Variants in VTI1A observed in about 807,000 individuals in gnomAD.
VTI1A encodes the protein vesicle transport through interaction with t-SNAREs 1A.
Under a neutral mutation model 34.9 loss-of-function variants are expected in VTI1A, and 22 were observed. The ratio of observed to expected loss-of-function variants is 0.63; its 90% CI spans 0.45 to 0.90. The LOEUF (loss-of-function observed/expected upper bound fraction) is 0.90, where lower values mean the gene tolerates loss of function less well. Ranked by LOEUF, VTI1A falls within the 40% of genes least tolerant of loss-of-function variation. The pLI is 0.00. For missense variants in VTI1A, 268 were observed against 275.6 expected (o/e 0.97, Z 0.20); for synonymous variants, 87 against 97.3 (o/e 0.89, Z 0.62).
intron 5 of VTI1A, among the ~76,000 whole-genome samples, chr10:112,642,976 TC>T (rs1846631361): frequency 1.1e-5 from 1 of 91,788 alleles, no homozygotes; most frequent in African/African-American, 3.5e-5. Context: ...TTTTTTCTTT[TC>T]TTTTTTTTTT....
At chr10:112,512,381 C>A (rs1849642502) in intron 3 of VTI1A, among the ~76,000 whole-genome samples, 2 of 152,076 alleles carry the variant, frequency 1.3e-5, no homozygotes, top group African/African-American at 4.8e-5. Flanking sequence ...ATACTTTGCC[C>A]ACTTTCAAAT....
At chr10:112,807,426 C>T (rs1238469052) in intron 7 of VTI1A, among the ~76,000 whole-genome samples, 2 of 152,198 alleles carry the variant, frequency 1.3e-5, no homozygotes, top group African/African-American at 2.4e-5. Context: ...TCTGGTGGCC[C>T]AACATTCCTT....
chr10:112,503,257 A>C (rs895176195), intron 3 of VTI1A, among the ~76,000 whole-genome samples: 1 of 151,948 alleles, frequency 6.6e-6, no homozygotes, highest in African/African-American at 2.4e-5. Flanking sequence ...ACCCCTCTTC[A>C]TCCTCCTCTC....
At chr10:112,639,504 A>G (rs929559203) in intron 5 of VTI1A, among the ~76,000 whole-genome samples, 12 of 152,170 alleles carry the variant, frequency 7.9e-5, no homozygotes, top group Non-Finnish European at 1.5e-4. Context: ...CAGACCTAGA[A>G]GCTTCATGAC....
intron 7 of VTI1A, among the ~76,000 whole-genome samples, chr10:112,681,673 T>C (rs939004903): frequency 5.3e-5 from 8 of 152,170 alleles, no homozygotes; most frequent in African/African-American, 1.9e-4. Flanking sequence ...TAGAATAATA[T>C]TGCAAATTTT....
chr10:112,498,542 A>G (rs139108727), intron 3 of VTI1A, among the ~76,000 whole-genome samples: 231 of 152,304 alleles, frequency 1.5e-3, no homozygotes, highest in African/African-American at 5.1e-3. Context: ...TTCTTAAAAA[A>G]AAAATTTATA....
intron 5 of VTI1A, among the ~76,000 whole-genome samples, chr10:112,605,409 A>T (rs1845039094): frequency 6.6e-6 from 1 of 152,202 alleles, no homozygotes; most frequent in African/African-American, 2.4e-5. Context: ...CTACTTTTCC[A>T]GGGAGGGAGT....
chr10:112,477,946 AAGCT>A (rs1397537793), intron 3 of VTI1A, among the ~76,000 whole-genome samples: 1 of 152,206 alleles, frequency 6.6e-6, no homozygotes, highest in Non-Finnish European at 1.5e-5. Flanking sequence ...TTTTAAAGTA[AAGCT>A]TAGGAGAAAA....
At chr10:112,447,643 T>C (rs1397341822) in intron 1 of VTI1A, among the ~76,000 whole-genome samples, 176 bp downstream of exon 1, 1 of 152,068 alleles carries the variant, frequency 6.6e-6, no homozygotes, top group Non-Finnish European at 1.5e-5. Context: ...AGTTCGGGTG[T>C]GGGGTGCCGT....
chr10:112,561,950 T>C (rs1228321725), intron 5 of VTI1A, among the ~76,000 whole-genome samples: 1 of 152,212 alleles, frequency 6.6e-6, no homozygotes, highest in Non-Finnish European at 1.5e-5. Flanking sequence ...AAATCTATCA[T>C]CGAACTCTTT....
chr10:112,465,149 C>T (rs1015730206), intron 3 of VTI1A, among the ~76,000 whole-genome samples: 1 of 152,156 alleles, frequency 6.6e-6, no homozygotes, highest in African/African-American at 2.4e-5. Flanking sequence ...ATAAAAGAAA[C>T]CACTTTCAAT....
chr10:112,788,244 G>A (rs1485441994), intron 7 of VTI1A, among the ~76,000 whole-genome samples: 2 of 151,906 alleles, frequency 1.3e-5, no homozygotes, highest in Non-Finnish European at 2.9e-5. Flanking sequence ...AGAATAGGGT[G>A]GTGAAATCTC....
At chr10:112,656,102 AG>A (rs1158104824) in intron 5 of VTI1A, among the ~76,000 whole-genome samples, 6 of 152,216 alleles carry the variant, frequency 3.9e-5, no homozygotes, top group Non-Finnish European at 8.8e-5. Context: ...AATTGAGAAA[AG>A]GTCCCGGTGC....
chr10:112,648,452 C>T (rs1379672718), intron 5 of VTI1A, among the ~76,000 whole-genome samples: 1 of 152,178 alleles, frequency 6.6e-6, no homozygotes, highest in East Asian at 1.9e-4. Context: ...TGGTACCAAG[C>T]TCAGTGCACC....
At chr10:112,840,641 G>C in the VTI1A span, among the ~76,000 whole-genome samples, 1 of 152,164 alleles carries the variant, frequency 6.6e-6, no homozygotes, top group Non-Finnish European at 1.5e-5. Context: ...CTGCCTGCTT[G>C]CCCAAGAGTT....
In VTI1A at chr10:112,694,622, G is replaced by A. The variant is rs181672601; in HGVS notation, c.560+25624G>A. Among the ~76,000 whole-genome samples, 23 of 151,082 alleles carry A rather than the reference G, an allele frequency of 1.5e-4. No individual in the cohort carries two copies. The East Asian group carries it at 3.9e-3, about 25-fold the overall frequency. The stretch of plus-strand genomic sequence containing the variant: ...TAACCTCCTTTAAACAAAGTTTGAC[G>A]ATTCAGTCTCAAAAAAAAAAAAATC... On this transcript the variant is annotated intron_variant, in intron 7 of 7. Coordinates refer to ENST00000393077, the MANE Select transcript of VTI1A (RefSeq NM_145206.4).
At chr10:112,682,275 G>C (rs1848242005) in intron 7 of VTI1A, among the ~76,000 whole-genome samples, 1 of 152,114 alleles carries the variant, frequency 6.6e-6, no homozygotes, top group East Asian at 1.9e-4. Context: ...CTCATGGATA[G>C]AATTTTTTAA....
intron 1 of VTI1A, among the ~76,000 whole-genome samples, chr10:112,447,995 A>G (rs761371087): frequency 1.3e-5 from 2 of 152,140 alleles, no homozygotes; most frequent in South Asian, 4.1e-4. Flanking sequence ...AGATCTCGCC[A>G]TTGCACTCCA....
chr10:112,738,390 T>C (rs1055691621), intron 7 of VTI1A, among the ~76,000 whole-genome samples: 26 of 152,202 alleles, frequency 1.7e-4, no homozygotes, highest in Non-Finnish European at 3.7e-4. Flanking sequence ...GTTTATATTA[T>C]GGATTGTTCT....
Sources: gnomAD v4.1 joint callset for allele counts (sites outside exome capture counted in the v4.1 genomes callset) on GRCh38, gnomAD v4.1.1 for gene constraint, MANE v1.5 for transcripts, NCBI Gene and HGNC (gene_info 2026-07-23, HGNC 2026-07-21) for gene names.